Variants in ZRANB3 observed in about 807,000 individuals in gnomAD.
The protein encoded by ZRANB3 is zinc finger RANBP2-type containing 3.
Under a neutral mutation model 133.8 loss-of-function variants are expected in ZRANB3, and 125 were observed. The observed-to-expected ratio is 0.93, with a 90% CI of 0.81 to 1.08. The LOEUF (loss-of-function observed/expected upper bound fraction) is 1.08. Ranked by LOEUF, ZRANB3 falls within the 50% of genes least tolerant of loss-of-function variation. The pLI is 0.00. For synonymous variants in ZRANB3, 387 were observed against 432.7 expected (o/e 0.89, Z 1.31); for missense variants, 1,229 against 1,275.5 (o/e 0.96, Z 0.56).
intron 8 of ZRANB3, among the ~76,000 whole-genome samples, chr2:135,278,873 T>C (rs1385776680): frequency 6.6e-6 from 1 of 152,140 alleles, no homozygotes; most frequent in African/African-American, 2.4e-5. Flanking sequence ...TAAGTTCCTA[T>C]ATAATCAGTA....
At chr2:135,435,007 A>C (rs960629810) in intron 2 of ZRANB3, among the ~76,000 whole-genome samples, 1 of 150,394 alleles carries the variant, frequency 6.6e-6, no homozygotes, top group African/African-American at 2.4e-5. Context: ...TTTGTACTTT[A>C]GGTTTGGGGG....
chr2:135,374,287 T>A (rs551584761), intron 3 of ZRANB3, among the ~76,000 whole-genome samples: 1 of 152,176 alleles, frequency 6.6e-6, no homozygotes, highest in South Asian at 2.1e-4. Flanking sequence ...GTTCCTGTAA[T>A]CCCAGCTACT....
chr2:135,343,010 C>CAA (rs11435525), intron 6 of ZRANB3, among the ~76,000 whole-genome samples: 812 of 54,914 alleles, frequency 0.015, 2 homozygotes, highest in Middle Eastern at 0.056. Flanking sequence ...ACTAAAAATC[C>CAA]AAAAAAAAAA....
At chr2:135,379,343 C>A (rs576674767) in intron 3 of ZRANB3, among the ~76,000 whole-genome samples, 4 of 152,136 alleles carry the variant, frequency 2.6e-5, no homozygotes, top group Non-Finnish European at 5.9e-5. Flanking sequence ...TGTCTTATTC[C>A]TTTGAGCCCT....
chr2:135,197,212 G>C lies in ZRANB3; in HGVS notation c.*3130C>G, dbSNP rs1693445309. ...AGGCTAATAATATGCAACAGAAAAT[G>C]AGACATTATTTTTATAATTTATTTT... is the stretch of plus-strand genomic sequence containing the variant. On this transcript the variant is annotated 3_prime_UTR_variant, in exon 21 of 21. Coordinates refer to ENST00000264159, the MANE Select transcript of ZRANB3 (RefSeq NM_032143.4). 1 of 152,160 alleles carries C rather than the reference G, an allele frequency of 6.6e-6. No individual in the cohort carries two copies. Among genetic ancestry groups the C allele is most frequent in the South Asian group, 2.1e-4 (1 of 4,830 alleles). 9.4% of individuals were successfully genotyped at this position (152,160 alleles called of 1,614,324 possible).
chr2:135,207,369 TAG>T (rs1693912418), intron 19 of ZRANB3, 63 bp downstream of exon 19: 2 of 1,493,054 alleles, frequency 1.3e-6, no homozygotes, highest in East Asian at 2.3e-5. Flanking sequence ...ATGTACAAAA[TAG>T]AGAGTCAATA....
chr2:135,459,063 T>G (rs981494778), intron 2 of ZRANB3, among the ~76,000 whole-genome samples: 1 of 152,134 alleles, frequency 6.6e-6, no homozygotes, highest in African/African-American at 2.4e-5. Flanking sequence ...GTCATGATAC[T>G]TCTTATCACC....
At chr2:135,432,078 C>G (rs1689346800) in intron 2 of ZRANB3, among the ~76,000 whole-genome samples, 1 of 152,042 alleles carries the variant, frequency 6.6e-6, no homozygotes, top group Non-Finnish European at 1.5e-5. Flanking sequence ...TGGAGAAACC[C>G]TGTCTCTGCT....
intron 6 of ZRANB3, among the ~76,000 whole-genome samples, chr2:135,338,334 T>C (rs1305921331): frequency 1.3e-5 from 2 of 152,342 alleles, no homozygotes; most frequent in East Asian, 1.9e-4. Context: ...AGGAATACAA[T>C]GCAGGTCAAG....
At chr2:135,485,977 A>T (rs1365060132) in intron 2 of ZRANB3, among the ~76,000 whole-genome samples, 1 of 152,210 alleles carries the variant, frequency 6.6e-6, no homozygotes, top group African/African-American at 2.4e-5. Context: ...ACATATATCA[A>T]TTATTATTAA....
intron 2 of ZRANB3, among the ~76,000 whole-genome samples, chr2:135,416,108 G>A (rs1473832368): frequency 6.6e-6 from 1 of 151,862 alleles, no homozygotes; most frequent in Non-Finnish European, 1.5e-5. Context: ...TTCTGGCCAG[G>A]GCAATGAGGC....
chr2:135,235,048 T>G (rs1348952207), intron 12 of ZRANB3, among the ~76,000 whole-genome samples: 1 of 152,062 alleles, frequency 6.6e-6, no homozygotes, highest in African/African-American at 2.4e-5. Context: ...CTAGCAGGAC[T>G]AATAAAGAAG....
At position 135,216,131 on chromosome 2, in the gene ZRANB3, A is replaced by G. The variant is rs540725566; in HGVS notation, c.2495+1334T>C. Among the ~76,000 whole-genome samples the G allele has an allele frequency of 6.6e-5, 10 of 151,528 alleles. No homozygotes were observed. In the South Asian group the frequency reaches 1.9e-3, roughly 29 times the overall value. ...TTATATTTACCCTTAACAATTTATC[A>G]CAAGTATTATTCCTTGTTCTTACAA... On this transcript the variant is annotated intron_variant, in intron 17 of 20. Coordinates refer to ENST00000264159, the MANE Select transcript of ZRANB3 (RefSeq NM_032143.4).
chr2:135,474,628 A>G (rs1254396571), intron 2 of ZRANB3, among the ~76,000 whole-genome samples: 2 of 152,218 alleles, frequency 1.3e-5, no homozygotes, highest in Non-Finnish European at 2.9e-5. Flanking sequence ...CCAGTAGCCA[A>G]GTAGATGCTG....
chr2:135,450,378 T>C (rs918783435), intron 2 of ZRANB3, among the ~76,000 whole-genome samples: 3 of 151,938 alleles, frequency 2.0e-5, no homozygotes, highest in African/African-American at 7.2e-5. Flanking sequence ...ATTAACTCTA[T>C]TAATCCTCAA....
intron 3 of ZRANB3, among the ~76,000 whole-genome samples, chr2:135,357,866 G>C (rs1283612575): frequency 1.3e-5 from 2 of 152,072 alleles, no homozygotes. Context: ...CAGAAGCTTT[G>C]GGTAGTAGTA....
chr2:135,407,592 C>A lies in ZRANB3; in HGVS notation c.162-16772G>T, dbSNP rs1688100405. Among the ~76,000 whole-genome samples the A allele has an allele frequency of 3.3e-5, 5 of 150,698 alleles. No homozygotes were observed. In the South Asian group the frequency reaches 1.0e-3, roughly 31 times the overall value. ...AAACTATACTACAAGGCTACAGTAA[C>A]CAAAACAGCATGGTACTAGTACCAA... is the stretch of plus-strand genomic sequence containing the variant. On this transcript the variant is annotated intron_variant, in intron 2 of 20. Transcript: ENST00000264159.
intron 12 of ZRANB3, among the ~76,000 whole-genome samples, chr2:135,240,913 C>T (rs987023342): frequency 2.6e-5 from 4 of 152,130 alleles, no homozygotes; most frequent in African/African-American, 9.7e-5. Context: ...TCTGTTTCTT[C>T]CAATATCTGT....
At chr2:135,233,078 C>T (rs986183356) in intron 12 of ZRANB3, among the ~76,000 whole-genome samples, 5 of 152,002 alleles carry the variant, frequency 3.3e-5, no homozygotes, top group African/African-American at 7.3e-5. Context: ...CTAGAATACC[C>T]GATGCAGAGA....
Sources: gnomAD v4.1 joint callset for allele counts (sites outside exome capture counted in the v4.1 genomes callset) on GRCh38, gnomAD v4.1.1 for gene constraint, MANE v1.5 for transcripts, NCBI Gene and HGNC (gene_info 2026-07-23, HGNC 2026-07-21) for gene names.